Variants in TUBD1 observed in about 807,000 individuals in gnomAD.
TUBD1 encodes the protein tubulin delta chain.
TUBD1 carries 38 observed loss-of-function variants against 51.2 expected under a neutral mutation model. The observed-to-expected ratio is 0.74, with a 90% CI of 0.57 to 0.97. The LOEUF (loss-of-function observed/expected upper bound fraction) is 0.97. Ranked by LOEUF, TUBD1 falls within the 50% of genes least tolerant of loss-of-function variation. TUBD1 has a pLI of 0.00. For missense variants in TUBD1, 489 were observed against 538.4 expected (o/e 0.91, Z 0.91); for synonymous variants, 169 against 178.2 (o/e 0.95, Z 0.41).
chr17:59,863,182 G>C (rs2039539771), intron 8 of TUBD1, among the ~76,000 whole-genome samples: 1 of 152,130 alleles, frequency 6.6e-6, no homozygotes, highest in South Asian at 2.1e-4. Context: ...TCCTCAGTTA[G>C]GACCCACTTA....
At chr17:59,871,421 G>A (rs762329784) in intron 6 of TUBD1, among the ~76,000 whole-genome samples, 91 of 152,078 alleles carry the variant, frequency 6.0e-4, no homozygotes, top group Admixed American at 2.6e-3. Flanking sequence ...GGATGGTCTC[G>A]ATCTCTGACC....
At chr17:59,868,919 C>A (rs567498791) in intron 6 of TUBD1, among the ~76,000 whole-genome samples, 25 of 150,476 alleles carry the variant, frequency 1.7e-4, no homozygotes, top group African/African-American at 6.1e-4. Context: ...TAGGAAGCTG[C>A]GATAGGAGGA....
chr17:59,878,489 CTT>C (rs71370137), intron 4 of TUBD1, 155 bp from the exon 5 acceptor site: 18,137 of 448,198 alleles, frequency 0.04, no homozygotes, highest in South Asian at 0.058. Context: ...GCTCAGTTTC[CTT>C]TTTTTTTTTT....
At chr17:59,869,286 C>T (rs1321904617) in intron 6 of TUBD1, among the ~76,000 whole-genome samples, 2 of 151,296 alleles carry the variant, frequency 1.3e-5, no homozygotes, top group Non-Finnish European at 2.9e-5. Flanking sequence ...CCAGCCTGGC[C>T]AATATGGTGA....
chr17:59,881,888 C>CA (rs975156600), intron 3 of TUBD1, among the ~76,000 whole-genome samples: 4 of 151,984 alleles, frequency 2.6e-5, no homozygotes, highest in Non-Finnish European at 5.9e-5. Flanking sequence ...AGGCTGGTCT[C>CA]AAACTCCTGA....
chr17:59,882,786 T>C (rs2040544924), intron 3 of TUBD1, among the ~76,000 whole-genome samples: 1 of 151,456 alleles, frequency 6.6e-6, no homozygotes, highest in African/African-American at 2.4e-5. Context: ...GGCTAATTTC[T>C]TTCTTTTTTT....
rs746258625 is a variant in TUBD1 at position 59,878,207 on chromosome 17, A to G, written c.665T>C (p.Ile222Thr). The stretch of plus-strand genomic sequence containing the variant: ...GACTTGATTGATATCACTAAAGGAG[A>G]TCTGCTTGATATTCATCAGTTTTGC... ...ICAKLMNIKQISFSDINQVLA... is the reference protein window; with the variant it reads ...ICAKLMNIKQTSFSDINQVLA... Residue 222 changes from isoleucine to threonine, a missense_variant, in exon 5 of 9, where the codon ATC becomes ACC. By Grantham distance (89) the Ile-to-Thr change is moderately conservative. Transcript: ENST00000325752. 3 of 1,613,974 alleles carry G rather than the reference A, an allele frequency of 1.9e-6. No homozygotes were observed. Among genetic ancestry groups the G allele is most frequent in the Non-Finnish European group, 2.5e-6 (3 of 1,180,014 alleles).
intron 6 of TUBD1, among the ~76,000 whole-genome samples, chr17:59,867,105 A>G (rs2039741983): frequency 6.6e-6 from 1 of 151,904 alleles, no homozygotes; most frequent in South Asian, 2.1e-4. Context: ...CAAAAGCAAG[A>G]GATTTTATAA....
intron 4 of TUBD1, 154 bp from the exon 5 acceptor site, chr17:59,878,488 CCTTT>C (rs1182426672): frequency 3.7e-6 from 2 of 535,608 alleles, no homozygotes; most frequent in African/African-American, 4.1e-5. Flanking sequence ...TGCTCAGTTT[CCTTT>C]TTTTTTTTTT....
At position 59,880,884 on chromosome 17, in the gene TUBD1, A is replaced by G. The variant is rs2040453815; in HGVS notation, c.537+10T>C. On this transcript the variant is annotated intron_variant, in intron 4 of 8. Coordinates refer to ENST00000325752, the MANE Select transcript of TUBD1 (RefSeq NM_016261.4). The stretch of plus-strand genomic sequence containing the variant: ...ATAAAACATAAACTTTTCAATTAAC[A>G]TGTCCATACCTCACCAGTTCCATAA... 6.2e-7 allele frequency: 1 copy of G among 1,605,500 alleles called. No homozygotes were observed.
In TUBD1 at chr17:59,886,201, T is replaced by G. The variant is rs150540740; in HGVS notation, c.202A>C (p.Met68Leu). The G allele has an allele frequency of 6.2e-7, 1 of 1,613,114 alleles. No individual in the cohort carries two copies. Among genetic ancestry groups the G allele is most frequent in the Non-Finnish European group, 8.5e-7 (1 of 1,179,858 alleles). The change falls in exon 3 of 9, where the codon ATG becomes CTG. Residue 68 changes from methionine to leucine, a missense_variant. By Grantham distance (15) the Met-to-Leu change is conservative (BLOSUM62 2). Transcript: ENST00000325752. ...ATTTGATTGATAACTTTGGGTTCCA[T>G]GTCAACAAGAACAGCCCGGGCAATT... is the stretch of plus-strand genomic sequence containing the variant. ...VPIARAVLVDMEPKVINQMLS... is the reference protein window; with the variant it reads ...VPIARAVLVDLEPKVINQMLS...
At chr17:59,870,404 A>G (rs2039928394) in intron 6 of TUBD1, among the ~76,000 whole-genome samples, 1 of 132,712 alleles carries the variant, frequency 7.5e-6, no homozygotes, top group African/African-American at 3.1e-5. Context: ...AAAAAAAAAA[A>G]AAATCAAAGT....
At chr17:59,874,776 G>A in intron 5 of TUBD1, 73 bp from the exon 6 acceptor site, 9 of 1,282,702 alleles carry the variant, frequency 7.0e-6, no homozygotes, top group Non-Finnish European at 9.8e-6. Context: ...ATATAACCAT[G>A]ATTTGAAGGT....
At position 59,878,881 on chromosome 17, in the gene TUBD1, CCATT is replaced by C. The variant is rs1190684794; in HGVS notation, c.538-551_538-548del. 3.3e-5 allele frequency: 5 copies of C among 152,862 alleles called. No homozygotes were observed. The East Asian group carries it at 9.6e-4, about 29-fold the overall frequency. The allele number at this position is 152,862 out of a possible 1,614,324, so 9.5% of individuals were successfully genotyped here. On this transcript the variant is annotated intron_variant, in intron 4 of 8. Transcript: ENST00000325752. ...CTTGTATGGGCACAACAAAAATTGG[CCATT>C]ATTATCATACTTATCTCCTATTTCA...
intron 2 of TUBD1, 71 bp downstream of exon 2, chr17:59,890,760 C>T: frequency 7.6e-7 from 1 of 1,318,284 alleles, no homozygotes; most frequent in East Asian, 2.6e-5. Flanking sequence ...GTTTAAAAAC[C>T]ATGTGGAAGG....
At chr17:59,860,752 A>T (rs2039405766) in intron 8 of TUBD1, among the ~76,000 whole-genome samples, 1 of 151,664 alleles carries the variant, frequency 6.6e-6, no homozygotes, top group African/African-American at 2.4e-5. Flanking sequence ...ACACCCAGCT[A>T]ATTTTTGTAT....
intron 7 of TUBD1, among the ~76,000 whole-genome samples, chr17:59,864,897 A>G (rs1156303928): frequency 1.3e-5 from 2 of 152,068 alleles, no homozygotes. Context: ...CTTGTCGCCC[A>G]GGCTGGAGTA....
chr17:59,890,905 A>C lies in TUBD1; in HGVS notation c.98T>G (p.Leu33Arg), dbSNP rs1447954224. The C allele has an allele frequency of 1.2e-6, 2 of 1,613,980 alleles. No homozygotes were observed. The change falls in exon 2 of 9, where the codon CTC (leucine) becomes CGC (arginine). Residue 33 changes from leucine to arginine, a missense_variant. Leu to Arg is a moderately radical substitution (Grantham distance 102, BLOSUM62 -2). Transcript: ENST00000325752. ...TGCCTCATTCTCTCTCATAGAGCAG[A>C]GTCCCTGGGAACTGTGTGAGTCACT... ...LLSDSHSSQG[L>R]CSMRENEAYQ...
intron 6 of TUBD1, among the ~76,000 whole-genome samples, chr17:59,869,493 A>G (rs1346532714): frequency 6.6e-6 from 1 of 151,794 alleles, no homozygotes; most frequent in Admixed American, 6.6e-5. Flanking sequence ...AAAAAAAAAA[A>G]GAAAAAAGAA....
Sources: gnomAD v4.1 joint callset for allele counts (sites outside exome capture counted in the v4.1 genomes callset) on GRCh38, gnomAD v4.1.1 for gene constraint, MANE v1.5 for transcripts, NCBI Gene and HGNC (gene_info 2026-07-23, HGNC 2026-07-21) for gene names.